The following KIAA1549L variants were observed in gnomAD, a reference collection of about 807,000 sequenced individuals.
KIAA1549L encodes the protein KIAA1549 like.
In KIAA1549L, 88 loss-of-function variants were observed where a neutral mutation model predicts 160.7. That is an observed-to-expected ratio of 0.55 (90% CI 0.46 to 0.65). KIAA1549L has a LOEUF of 0.65. Among genes scored for constraint, KIAA1549L ranks in the 30% least tolerant of loss-of-function variants. The pLI is 0.00. For synonymous variants in KIAA1549L, 950 were observed against 976.7 expected (o/e 0.97, Z 0.51); for missense variants, 2,258 against 2,437.5 (o/e 0.93, Z 1.55).
chr11:33,646,235 G>A (rs1184580018), intron 17 of KIAA1549L, among the ~76,000 whole-genome samples, 199 bp downstream of exon 17: 4 of 152,202 alleles, frequency 2.6e-5, no homozygotes, highest in Non-Finnish European at 4.4e-5. Context: ...GACAATGCAC[G>A]TGAGAATCCC....
At chr11:33,462,893 G>A (rs1282796199) in intron 1 of KIAA1549L, among the ~76,000 whole-genome samples, 4 of 151,814 alleles carry the variant, frequency 2.6e-5, no homozygotes, top group Non-Finnish European at 5.9e-5. Flanking sequence ...AGAGTGCAAT[G>A]GCATAATCAT....
In KIAA1549L at chr11:33,543,316, C is replaced by T; in HGVS notation, c.1753C>T (p.Pro585Ser). ...TGTGACGATTCCTCTCCAGGCCTTT[C>T]CAAGGAAAGAGGTTTTGAGTCTTCA... The part of the protein sequence containing the change: ...ANVTIPLQAF[P>S]RKEVLSLHTV... The change falls in exon 2 of 21, where the codon CCA becomes TCA. Residue 585 changes from proline to serine, a missense_variant. Coordinates refer to ENST00000658780, the MANE Select transcript of KIAA1549L (RefSeq NM_012194.3). 2 of 1,614,062 alleles carry T rather than the reference C, an allele frequency of 1.2e-6. No homozygotes were observed. The highest frequency in any genetic ancestry group is 1.1e-5 in the South Asian group (1 of 91,084).
intron 1 of KIAA1549L, among the ~76,000 whole-genome samples, chr11:33,406,991 C>T (rs992057882): frequency 1.3e-5 from 2 of 151,958 alleles, no homozygotes; most frequent in Non-Finnish European, 2.9e-5. Context: ...GCTCTTGCTT[C>T]ACTGAACTAG....
At chr11:33,457,822 C>A (rs906727395) in intron 1 of KIAA1549L, among the ~76,000 whole-genome samples, 3 of 152,194 alleles carry the variant, frequency 2.0e-5, no homozygotes, top group African/African-American at 7.2e-5. Context: ...TAGACCTTGA[C>A]AATAGGGTCC....
At chr11:33,580,587 A>AGAAAAG (rs770594737) in intron 10 of KIAA1549L, among the ~76,000 whole-genome samples, 63 of 127,570 alleles carry the variant, frequency 4.9e-4, no homozygotes, top group African/African-American at 2.4e-3. Flanking sequence ...AAAAAAAAAA[A>AGAAAAG]AAAAGAAAAG....
intron 16 of KIAA1549L, among the ~76,000 whole-genome samples, chr11:33,622,682 C>T (rs1448379049): frequency 6.6e-6 from 1 of 152,204 alleles, no homozygotes; most frequent in Non-Finnish European, 1.5e-5. Context: ...CTCAACAGTA[C>T]AGGAATGCAC....
chr11:33,651,359 C>T (rs1464568814), intron 17 of KIAA1549L, among the ~76,000 whole-genome samples: 2 of 151,818 alleles, frequency 1.3e-5, no homozygotes, highest in Admixed American at 6.6e-5. Flanking sequence ...ATTGCTTGAA[C>T]CTGGGAGGCA....
At chr11:33,436,170 C>T (rs1851376986) in intron 1 of KIAA1549L, among the ~76,000 whole-genome samples, 1 of 151,868 alleles carries the variant, frequency 6.6e-6, no homozygotes. Flanking sequence ...ATTTTGGTAC[C>T]TGCAGGGATC....
chr11:33,435,820 A>G (rs12790777), intron 1 of KIAA1549L, among the ~76,000 whole-genome samples: 33 of 44,636 alleles, frequency 7.4e-4, no homozygotes, highest in East Asian at 1.2e-3. Flanking sequence ...ATGTGTGTGT[A>G]TATATATATA....
At position 33,656,091 on chromosome 11, in the gene KIAA1549L, C is replaced by T; in HGVS notation, c.5840C>T (p.Ala1947Val). The T allele has an allele frequency of 6.2e-7, 1 of 1,613,414 alleles. No homozygotes were observed. The highest frequency in any genetic ancestry group is 1.1e-5 in the South Asian group (1 of 90,998). ...PPVPPRTGPV[A>V]VASLRRSTSD... is the part of the protein sequence containing the mutation. ...GTACCTCCCCGGACTGGTCCTGTGG[C>T]TGTCGCTTCTCTCAGGCGGTAACAC... The change falls in exon 18 of 21, where the codon GCT becomes GTT. Residue 1947 changes from alanine (A) to valine (V), a missense_variant. Ala to Val is a moderately conservative substitution (Grantham distance 64). Transcript: ENST00000658780.
At chr11:33,449,694 A>G (rs936809611) in intron 1 of KIAA1549L, among the ~76,000 whole-genome samples, 3 of 152,096 alleles carry the variant, frequency 2.0e-5, no homozygotes, top group Non-Finnish European at 4.4e-5. Context: ...TTACGGTTGC[A>G]TCTTCCTCCC....
intron 1 of KIAA1549L, among the ~76,000 whole-genome samples, chr11:33,499,698 T>C (rs565451826): frequency 6.6e-6 from 1 of 152,332 alleles, no homozygotes; most frequent in East Asian, 1.9e-4. Flanking sequence ...ATCCAGCCCA[T>C]CATTTCATCA....
intron 1 of KIAA1549L, among the ~76,000 whole-genome samples, chr11:33,510,749 A>G (rs1366175668): frequency 2.0e-5 from 3 of 152,194 alleles, no homozygotes; most frequent in African/African-American, 7.2e-5. Context: ...GAGTAAGAAG[A>G]GAGGTGAGGC....
At chr11:33,378,311 C>G (rs1191360907) in intron 1 of KIAA1549L, among the ~76,000 whole-genome samples, 1 of 152,138 alleles carries the variant, frequency 6.6e-6, no homozygotes, top group East Asian at 1.9e-4. Context: ...ATGTGTTGTT[C>G]TTGTTCAGCC....
chr11:33,481,523 C>T (rs892033577), intron 1 of KIAA1549L, among the ~76,000 whole-genome samples: 1 of 152,208 alleles, frequency 6.6e-6, no homozygotes, highest in African/African-American at 2.4e-5. Flanking sequence ...TGGCATTTAA[C>T]AGTAGTTCTC....
intron 1 of KIAA1549L, among the ~76,000 whole-genome samples, chr11:33,394,509 T>G (rs1459254088): frequency 6.6e-6 from 1 of 152,258 alleles, no homozygotes; most frequent in African/African-American, 2.4e-5. Flanking sequence ...TCAGGATTTC[T>G]AGGTTCCCTT....
chr11:33,499,949 C>T (rs1411227041), intron 1 of KIAA1549L, among the ~76,000 whole-genome samples: 1 of 152,160 alleles, frequency 6.6e-6, no homozygotes, highest in East Asian at 1.9e-4. Context: ...GAGTTTGGCT[C>T]TTGCTCTTCC....
chr11:33,537,112 C>T (rs1853912149), intron 1 of KIAA1549L, among the ~76,000 whole-genome samples: 1 of 152,178 alleles, frequency 6.6e-6, no homozygotes, highest in African/African-American at 2.4e-5. Flanking sequence ...TCCTTGTACT[C>T]GTGATGCCTC....
intron 1 of KIAA1549L, among the ~76,000 whole-genome samples, chr11:33,422,560 T>C (rs191436611): frequency 0.52 from 54,419 of 104,306 alleles, 13,452 homozygotes; most frequent in East Asian, 0.61. Flanking sequence ...CCCCCCCTCC[T>C]CTCCCTCCCT....
Sources: allele counts gnomAD v4.1 joint callset (sites outside exome capture counted in the v4.1 genomes callset), GRCh38; gene constraint gnomAD v4.1.1; transcripts MANE v1.5; gene names NCBI Gene and HGNC (gene_info 2026-07-23, HGNC 2026-07-21).